The following CPT1A variants were observed in gnomAD, a reference collection of about 807,000 sequenced individuals.
CPT1A encodes carnitine O-palmitoyltransferase 1, liver isoform.
CPT1A carries 64 observed loss-of-function variants against 100.8 expected under a neutral mutation model. The observed-to-expected ratio is 0.63, with a 90% CI of 0.52 to 0.78. CPT1A has a LOEUF of 0.78. Among genes scored for constraint, CPT1A ranks in the 30% least tolerant of loss-of-function variants. The pLI is 0.00. For missense variants in CPT1A, 802 were observed against 1,034.1 expected, an observed-to-expected ratio of 0.78 and a Z score of 3.08; for synonymous variants, 363 against 396.0, an observed-to-expected ratio of 0.92 and a Z score of 0.99.
At chr11:68,824,248 C>CAAAAA (rs34276531) in intron 1 of CPT1A, among the ~76,000 whole-genome samples, 1 of 69,118 alleles carries the variant, frequency 1.4e-5, no homozygotes, top group Non-Finnish European at 3.3e-5. Context: ...AGCTCCATCT[C>CAAAAA]AAAAAAAAAA....
In CPT1A at chr11:68,798,447, C is replaced by T. The variant is rs184055188; in HGVS notation, c.693+771G>A. Among the ~76,000 whole-genome samples the T allele has an allele frequency of 6.4e-3, 968 of 152,254 alleles. 5 individuals carry two copies. Among genetic ancestry groups the T allele is most frequent in the Non-Finnish European group, 0.01 (710 of 67,998 alleles). ...GGTTCTGTCAGGGTCGCTTTGGACACCTTCTCTTCCGTGTTAGTTGTTCCT... is the reference window on the plus strand; with the variant it reads ...GGTTCTGTCAGGGTCGCTTTGGACATCTTCTCTTCCGTGTTAGTTGTTCCT... On this transcript the variant is annotated intron_variant, in intron 6 of 18. Transcript: ENST00000265641.
In CPT1A at chr11:68,807,582, C is replaced by T; in HGVS notation, c.338G>A (p.Gly113Asp). Residue 113 changes from glycine to aspartate, a missense_variant, in exon 4 of 19, where the codon GGC becomes GAC. By Grantham distance (94) the Gly-to-Asp change is moderately conservative. This residue lies in a region of CPT1A where 161 missense variants were observed against 183.7 expected (regional missense o/e 0.88). Transcript: ENST00000265641. ...GGTGACGATGAGGGCCACCCACAGG[C>T]CGGTGCCAAACAGCACGCCGCTGAC... ...NVVSGVLFGTGLWVALIVTMR... is the reference protein window; with the variant it reads ...NVVSGVLFGTDLWVALIVTMR... 1 of 1,614,188 alleles carries T rather than the reference C, an allele frequency of 6.2e-7. No individual in the cohort carries two copies. The highest frequency in any genetic ancestry group is 8.5e-7 in the Non-Finnish European group (1 of 1,180,044).
chr11:68,785,082 C>T, intron 9 of CPT1A, 72 bp from the exon 10 acceptor site: 1 of 1,367,466 alleles, frequency 7.3e-7, no homozygotes, highest in Non-Finnish European at 1.0e-6. Flanking sequence ...CGACCGTACC[C>T]TGACTCTGCA....
rs80356791 is a variant in CPT1A, at chr11:68,775,398, T to C, written c.1493A>G (p.Tyr498Cys). ...VMSIDSLQLG[Y>C]AEDGHCKGDI... ...GCCTTTGCAGTGCCCATCCTCCGCA[T>C]AGCCCAGCTGGAGGCTGTCAATGGA... The change falls in exon 13 of 19, where the codon TAT becomes TGT. Residue 498 changes from tyrosine to cysteine, a missense_variant. Coordinates refer to ENST00000265641, the MANE Select transcript of CPT1A (RefSeq NM_001876.4). 2 of 1,614,224 alleles carry C rather than the reference T, an allele frequency of 1.2e-6. No homozygotes were observed. The highest frequency in any genetic ancestry group is 1.1e-5 in the South Asian group (1 of 91,082).
chr11:68,789,253 T>C (rs1855552698), intron 9 of CPT1A, among the ~76,000 whole-genome samples: 1 of 152,154 alleles, frequency 6.6e-6, no homozygotes, highest in Admixed American at 6.5e-5. Context: ...TCTTTCCCTT[T>C]TTTTATTTTG....
chr11:68,798,109 G>A (rs988400973), intron 6 of CPT1A, among the ~76,000 whole-genome samples: 8 of 152,234 alleles, frequency 5.3e-5, no homozygotes, highest in Non-Finnish European at 7.3e-5. Context: ...TTCCGCAGGT[G>A]TTGTCTCTAT....
intron 12 of CPT1A, among the ~76,000 whole-genome samples, chr11:68,777,057 C>T (rs1011197759): frequency 5.9e-5 from 9 of 152,152 alleles, no homozygotes; most frequent in African/African-American, 9.7e-5. Flanking sequence ...CCTGAGCCAG[C>T]GAACGAACAG....
intron 14 of CPT1A, among the ~76,000 whole-genome samples, chr11:68,769,971 C>T (rs935730052): frequency 1.3e-5 from 2 of 152,108 alleles, no homozygotes; most frequent in South Asian, 2.1e-4. Flanking sequence ...ATCACTTGAA[C>T]CTGGGAGCCG....
intron 13 of CPT1A, chr11:68,773,892 G>A (rs1409719564): frequency 7.9e-6 from 2 of 254,068 alleles, no homozygotes; most frequent in East Asian, 9.6e-5. Flanking sequence ...GCGTCTAACT[G>A]GACTATGAGC....
chr11:68,772,887 C>T (rs994253809), intron 14 of CPT1A, among the ~76,000 whole-genome samples: 3 of 152,138 alleles, frequency 2.0e-5, no homozygotes, highest in Non-Finnish European at 2.9e-5. Flanking sequence ...TACCGAGCGC[C>T]AGACGAATAC....
At position 68,796,842 on chromosome 11, in the gene CPT1A, G is replaced by C. The variant is rs1855765930; in HGVS notation, c.771+14C>G. 2.5e-6 allele frequency: 4 copies of C among 1,613,256 alleles called. No homozygotes were observed. The South Asian group carries it at 4.4e-5, about 18-fold the overall frequency. ...CCGTCCTCGTCAGACAGCAGCCCGG[G>C]CGGGTGGACTCACCATGGCATAATA... On this transcript the variant is annotated intron_variant, in intron 7 of 18. Coordinates refer to ENST00000265641, the MANE Select transcript of CPT1A (RefSeq NM_001876.4).
intron 14 of CPT1A, among the ~76,000 whole-genome samples, chr11:68,763,191 TG>T (rs1854680322): frequency 1.3e-5 from 2 of 152,076 alleles, no homozygotes; most frequent in Admixed American, 1.3e-4. Context: ...CTTTTACATG[TG>T]GGTAGTGACG....
chr11:68,841,927 G>A (rs1245785265), upstream of CPT1A: 5 of 984,682 alleles, frequency 5.1e-6, no homozygotes, highest in Non-Finnish European at 6.0e-6. This position sits in a 1 kb window ranked among gnomAD's most constrained non-coding sequence, Gnocchi z 6.3. Context: ...GGCTGAGGCG[G>A]GTCCGGCTGC....
chr11:68,844,233 C>T (rs912941787), upstream of CPT1A: 17 of 152,260 alleles, frequency 1.1e-4, no homozygotes, highest in African/African-American at 4.1e-4. Flanking sequence ...TTATTCCCCT[C>T]CCGCCGACCA....
At chr11:68,791,963 G>GTGCACACTACTGACTA (rs1399067606) in intron 9 of CPT1A, among the ~76,000 whole-genome samples, 39 of 152,268 alleles carry the variant, frequency 2.6e-4, no homozygotes, top group African/African-American at 9.4e-4. Context: ...GACCACCACA[G>GTGCACACTACTGACTA]TGCACACTAC....
intron 1 of CPT1A, among the ~76,000 whole-genome samples, chr11:68,833,622 G>A (rs1048312523): frequency 6.6e-6 from 1 of 152,128 alleles, no homozygotes; most frequent in African/African-American, 2.4e-5. Context: ...GCTGGGTGTG[G>A]TGGTGGGCAC....
Position 68,815,423 on chromosome 11 carries a change from C to T in CPT1A, c.52G>A (p.Gly18Arg), listed in dbSNP as rs767491846. The change falls in exon 2 of 19, where the codon GGG becomes AGG. Residue 18 changes from glycine to arginine, a missense_variant. Transcript: ENST00000265641. Reference protein sequence around the residue: ...VAFQFTVTPDGIDLRLSHEAL... With the variant: ...VAFQFTVTPDRIDLRLSHEAL... ...TCATGGCTCAGCCGCAGGTCAATCC[C>T]GTCCGGAGTGACCGTGAACTGAAAG... 6.8e-6 allele frequency: 11 copies of T among 1,613,858 alleles called. No individual in the cohort carries two copies. The highest frequency in any genetic ancestry group is 5.5e-5 in the South Asian group (5 of 91,076).
At chr11:68,813,508 G>A (rs937557397) in intron 2 of CPT1A, among the ~76,000 whole-genome samples, 2 of 145,352 alleles carry the variant, frequency 1.4e-5, no homozygotes, top group African/African-American at 5.2e-5. Flanking sequence ...TCCAACCTGG[G>A]CAACAGAGTG....
intron 1 of CPT1A, among the ~76,000 whole-genome samples, chr11:68,816,037 G>C (rs1856379525): frequency 6.6e-6 from 1 of 152,110 alleles, no homozygotes; most frequent in African/African-American, 2.4e-5. Flanking sequence ...ACGCCTCCAA[G>C]CCAGCATCCA....
Sources: gnomAD v4.1 joint callset for allele counts (sites outside exome capture counted in the v4.1 genomes callset) on GRCh38, gnomAD v4.1.1 for gene constraint, gnomAD v4.1.1 regional missense constraint, Gnocchi (gnomAD v3.1) non-coding constraint, MANE v1.5 for transcripts, NCBI Gene and HGNC (gene_info 2026-07-23, HGNC 2026-07-21) for gene names.